Variants in COX16 observed in about 807,000 individuals in gnomAD.
The protein encoded by COX16 is cytochrome c oxidase assembly factor COX16, also known as cytochrome c oxidase assembly protein COX16 homolog, mitochondrial.
COX16 carries 12 observed loss-of-function variants against 15.4 expected under a neutral mutation model. That is an observed-to-expected ratio of 0.78 (90% CI 0.50 to 1.26). COX16 has a LOEUF of 1.26. Among genes scored for constraint, COX16 ranks in the 50% most tolerant of loss-of-function variants. The pLI, the probability that COX16 is intolerant of heterozygous loss-of-function variation, is 0.00. For synonymous variants in COX16, 46 were observed against 41.1 expected, an observed-to-expected ratio of 1.12 and a Z score of -0.46; for missense variants, 124 against 127.6, an observed-to-expected ratio of 0.97 and a Z score of 0.14.
intron 1 of COX16, among the ~76,000 whole-genome samples, chr14:70,356,188 A>T (rs534113082): frequency 9.0e-5 from 10 of 110,872 alleles, no homozygotes; most frequent in African/African-American, 3.6e-4. Flanking sequence ...ATGGCAGACC[A>T]TTTTTCCACA....
chr14:70,329,136 G>A, intron 3 of COX16, 38 bp downstream of exon 3: 1 of 1,533,212 alleles, frequency 6.5e-7, no homozygotes, highest in African/African-American at 1.4e-5. Context: ...ACCAGTAACT[G>A]ATTGTTATAA....
chr14:70,329,538 G>A (rs768023812), intron 2 of COX16, among the ~76,000 whole-genome samples: 4 of 152,052 alleles, frequency 2.6e-5, no homozygotes, highest in South Asian at 2.1e-4. Context: ...TATGGGACAC[G>A]GGGTTTGAAT....
At chr14:70,338,089 G>T (rs1455992238) in intron 2 of COX16, among the ~76,000 whole-genome samples, 1 of 152,170 alleles carries the variant, frequency 6.6e-6, no homozygotes, top group Non-Finnish European at 1.5e-5. Context: ...AATCTTCAAA[G>T]AAATCAGAAG....
chr14:70,328,764 A>G (rs1306861903), intron 3 of COX16, among the ~76,000 whole-genome samples: 15 of 152,182 alleles, frequency 9.9e-5, no homozygotes, highest in Non-Finnish European at 1.5e-5. Flanking sequence ...AGATTAAACT[A>G]TATCTGTAGG....
intron 2 of COX16, among the ~76,000 whole-genome samples, chr14:70,332,178 T>C (rs960344776): frequency 1.6e-4 from 24 of 152,222 alleles, no homozygotes; most frequent in Admixed American, 3.9e-4. Context: ...CCTGATGATA[T>C]TGGTCTTGAC....
chr14:70,351,619 G>T (rs1288583688), intron 1 of COX16, among the ~76,000 whole-genome samples: 2 of 151,666 alleles, frequency 1.3e-5, no homozygotes, highest in African/African-American at 2.4e-5. Flanking sequence ...CTATTCTTTG[G>T]TGTAACTTTT....
chr14:70,328,409 CCAGA>C (rs1489087865), intron 3 of COX16, among the ~76,000 whole-genome samples: 1 of 151,996 alleles, frequency 6.6e-6, no homozygotes, highest in East Asian at 1.9e-4. Context: ...TACAAAATGA[CCAGA>C]CATATACAAA....
rs553859636 is a variant in COX16, at chr14:70,339,689, A to G, written c.141+2969T>C. 7.2e-5 allele frequency among the ~76,000 whole-genome samples: 11 copies of G among 152,088 alleles called. No individual in the cohort carries two copies. In the South Asian group the frequency reaches 2.3e-3, roughly 32 times the overall value. On this transcript the variant is annotated intron_variant, in intron 2 of 3. Coordinates refer to ENST00000389912, the MANE Select transcript of COX16 (RefSeq NM_016468.7). ...TTTCAATCCTGAAGAACAAAACTCA[A>G]CCTCTTAACTCCTCTCAACATTACC...
At chr14:70,341,570 TA>T (rs1886624341) in intron 2 of COX16, among the ~76,000 whole-genome samples, 1 of 152,234 alleles carries the variant, frequency 6.6e-6, no homozygotes, top group South Asian at 2.1e-4. Context: ...ATCCTAGCTC[TA>T]CCCCTAAGTA....
In COX16 at chr14:70,359,603, T is replaced by A; in HGVS notation, c.-16A>T. 1 of 1,613,642 alleles carries A rather than the reference T, an allele frequency of 6.2e-7. No homozygotes were observed. Among genetic ancestry groups the A allele is most frequent in the Non-Finnish European group, 8.5e-7 (1 of 1,179,634 alleles). Reference sequence around the variant, plus strand: ...GTGCAAACATGAGTGAACTCTTCCATCGGCTCAGAACTCCAAGCGGGCCTA... The same window carrying A: ...GTGCAAACATGAGTGAACTCTTCCAACGGCTCAGAACTCCAAGCGGGCCTA... On this transcript the variant is annotated 5_prime_UTR_variant, in exon 1 of 4. An upstream start codon of the reference 5' UTR is lost. Coordinates refer to ENST00000389912, the MANE Select transcript of COX16 (RefSeq NM_016468.7).
chr14:70,336,587 A>G (rs1419322931), intron 2 of COX16, among the ~76,000 whole-genome samples: 1 of 152,244 alleles, frequency 6.6e-6, no homozygotes, highest in Non-Finnish European at 1.5e-5. Flanking sequence ...CAAACCTACA[A>G]TACAAGTTAA....
chr14:70,331,415 GA>G (rs200798970), intron 2 of COX16, among the ~76,000 whole-genome samples: 1 of 151,514 alleles, frequency 6.6e-6, no homozygotes, highest in African/African-American at 2.4e-5. Context: ...AAAATAGTAG[GA>G]AAAAAACCCA....
At chr14:70,330,288 A>G (rs773839509) in intron 2 of COX16, among the ~76,000 whole-genome samples, 13 of 152,324 alleles carry the variant, frequency 8.5e-5, no homozygotes, top group Non-Finnish European at 1.8e-4. Context: ...TAAAATGGAC[A>G]GATTAATAGA....
intron 1 of COX16, among the ~76,000 whole-genome samples, chr14:70,343,159 T>C (rs1007925486): frequency 3.9e-5 from 6 of 152,222 alleles, no homozygotes; most frequent in Non-Finnish European, 7.3e-5. Flanking sequence ...TGTAATTCCA[T>C]TGCTATGCGA....
intron 1 of COX16, among the ~76,000 whole-genome samples, chr14:70,356,114 A>G (rs1887117023): frequency 6.7e-6 from 1 of 148,864 alleles, no homozygotes. Context: ...TAAATTACCC[A>G]GCCTCTAGTA....
intron 1 of COX16, among the ~76,000 whole-genome samples, chr14:70,351,924 A>T (rs1404253048): frequency 1.3e-5 from 2 of 152,090 alleles, no homozygotes; most frequent in African/African-American, 4.8e-5. Flanking sequence ...ATCAAACTTT[A>T]TTTTTTTGCA....
intron 2 of COX16, among the ~76,000 whole-genome samples, chr14:70,340,270 C>G (rs1566601013): frequency 6.6e-6 from 1 of 152,176 alleles, no homozygotes; most frequent in Non-Finnish European, 1.5e-5. Context: ...TGAAGAAGGT[C>G]ATGTTTGCTT....
intron 1 of COX16, 41 bp from the exon 2 acceptor site, chr14:70,342,770 C>A (rs1346796364): frequency 6.3e-7 from 1 of 1,598,736 alleles, no homozygotes; most frequent in South Asian, 1.1e-5. Context: ...AACAGAAGAC[C>A]AGAATTCAAA....
intron 3 of COX16, 99 bp from the exon 4 acceptor site, chr14:70,326,548 T>C (rs1886084071): frequency 2.6e-6 from 2 of 778,566 alleles, no homozygotes; most frequent in Non-Finnish European, 3.7e-6. Context: ...GTAGAAAGTA[T>C]CCGATAGGTC....
Sources: gnomAD v4.1 joint callset for allele counts (sites outside exome capture counted in the v4.1 genomes callset) on GRCh38, gnomAD v4.1.1 for gene constraint, MANE v1.5 for transcripts, NCBI Gene and HGNC (gene_info 2026-07-23, HGNC 2026-07-21) for gene names.